Variants in STX8 observed in about 807,000 individuals in gnomAD.
STX8 encodes the protein syntaxin 8.
In STX8, 23 loss-of-function variants were observed where a neutral mutation model predicts 37.5. The observed-to-expected ratio is 0.61, with a 90% CI of 0.44 to 0.87. The LOEUF is 0.87. STX8 is among the 40% of genes least tolerant of loss of function. STX8 has a pLI of 0.00. For missense variants in STX8, 313 were observed against 284.7 expected (o/e 1.10, Z -0.71); for synonymous variants, 115 against 99.1 (o/e 1.16, Z -0.95).
At chr17:9,567,180 T>C (rs925885534) in intron 2 of STX8, among the ~76,000 whole-genome samples, 9 of 151,956 alleles carry the variant, frequency 5.9e-5, no homozygotes, top group Non-Finnish European at 1.2e-4. Flanking sequence ...AGGAAGAGGA[T>C]TAGGAAAAAT....
chr17:9,486,352 G>C (rs1906596739), intron 6 of STX8, among the ~76,000 whole-genome samples: 1 of 152,168 alleles, frequency 6.6e-6, no homozygotes, highest in Non-Finnish European at 1.5e-5. Flanking sequence ...AAAAGGATTG[G>C]TCAATTTGGG....
chr17:9,497,532 T>C (rs1486660822), intron 5 of STX8, among the ~76,000 whole-genome samples: 1 of 152,156 alleles, frequency 6.6e-6, no homozygotes, highest in Non-Finnish European at 1.5e-5. Context: ...TGTGAACAGA[T>C]TGGCTATGGG....
intron 4 of STX8, among the ~76,000 whole-genome samples, chr17:9,538,747 T>C (rs566410072): frequency 1.3e-5 from 2 of 152,328 alleles, no homozygotes; most frequent in African/African-American, 4.8e-5. Context: ...CCTATAATCC[T>C]CTACAGAGTT....
At chr17:9,288,418 T>C (rs1908173742) in intron 7 of STX8, among the ~76,000 whole-genome samples, 1 of 151,800 alleles carries the variant, frequency 6.6e-6, no homozygotes, top group African/African-American at 2.4e-5. Context: ...TCCCAGCACT[T>C]TGGGAGGCCG....
chr17:9,430,649 C>CTTTTTT (rs34803730), intron 6 of STX8, among the ~76,000 whole-genome samples: 1 of 120,902 alleles, frequency 8.3e-6, no homozygotes, highest in African/African-American at 3.0e-5. Context: ...GTGGTTTTGG[C>CTTTTTT]TTTTTTTTTT....
chr17:9,274,682 A>AATAATAATAATAATG (rs1325478226), intron 7 of STX8, among the ~76,000 whole-genome samples: 1 of 118,442 alleles, frequency 8.4e-6, no homozygotes, highest in Non-Finnish European at 1.8e-5. Context: ...TCTCAAAAAT[A>AATAATAATAATAATG]ATAATAATAA....
At chr17:9,408,321 A>G (rs1448902766) in intron 6 of STX8, among the ~76,000 whole-genome samples, 1 of 152,176 alleles carries the variant, frequency 6.6e-6, no homozygotes, top group Non-Finnish European at 1.5e-5. Context: ...GGATGTCTCA[A>G]TCTTTATCCA....
intron 6 of STX8, among the ~76,000 whole-genome samples, chr17:9,480,232 G>A (rs150260771): frequency 1.3e-5 from 2 of 152,314 alleles, no homozygotes; most frequent in African/African-American, 4.8e-5. Flanking sequence ...TGTATATGTG[G>A]ATTCTGGCAC....
At chr17:9,504,560 G>A (rs182012431) in intron 5 of STX8, among the ~76,000 whole-genome samples, 24 of 152,162 alleles carry the variant, frequency 1.6e-4, no homozygotes, top group Admixed American at 1.1e-3. Context: ...ATGAGCCACC[G>A]AGATGAGTGA....
intron 6 of STX8, among the ~76,000 whole-genome samples, chr17:9,448,370 G>A (rs8073044): frequency 0.011 from 1,623 of 152,234 alleles, 28 homozygotes; most frequent in African/African-American, 0.037. Context: ...GCAAGGCAAC[G>A]CCCTGCCTTC....
At chr17:9,318,176 G>T (rs577127746) in intron 7 of STX8, among the ~76,000 whole-genome samples, 119 of 152,262 alleles carry the variant, frequency 7.8e-4, no homozygotes, top group Non-Finnish European at 1.5e-3. Context: ...CAACGTGCAG[G>T]TATGTTACAT....
chr17:9,429,574 G>A (rs1427116804), intron 6 of STX8, among the ~76,000 whole-genome samples: 2 of 137,856 alleles, frequency 1.5e-5, no homozygotes, highest in African/African-American at 2.7e-5. Context: ...GTGGTGGCGG[G>A]CACCTGTAGT....
chr17:9,333,022 A>C (rs747478734), intron 7 of STX8, among the ~76,000 whole-genome samples: 5 of 152,242 alleles, frequency 3.3e-5, no homozygotes, highest in Non-Finnish European at 7.3e-5. Flanking sequence ...ACCGAGAATG[A>C]AGATATGCGT....
At chr17:9,560,732 G>A (rs1907199561) in intron 2 of STX8, among the ~76,000 whole-genome samples, 1 of 141,146 alleles carries the variant, frequency 7.1e-6, no homozygotes, top group African/African-American at 2.5e-5. Context: ...GATAATTAAG[G>A]CACAGCACAG....
intron 6 of STX8, among the ~76,000 whole-genome samples, chr17:9,421,065 A>G (rs1458988512): frequency 6.6e-6 from 1 of 151,988 alleles, no homozygotes; most frequent in Non-Finnish European, 1.5e-5. Flanking sequence ...TCTCAATCCT[A>G]TACCTATCCC....
intron 6 of STX8, among the ~76,000 whole-genome samples, chr17:9,398,698 C>T (rs546864467): frequency 2.2e-4 from 34 of 152,188 alleles, no homozygotes; most frequent in African/African-American, 7.7e-4. Context: ...CTCTGTAAAT[C>T]TAAAACTGTT....
intron 6 of STX8, among the ~76,000 whole-genome samples, chr17:9,447,543 C>T (rs1254145057): frequency 6.6e-5 from 10 of 152,132 alleles, no homozygotes; most frequent in Admixed American, 5.2e-4. Context: ...CTGCTTCAGC[C>T]GCCCCAGTAG....
chr17:9,489,112 A>G (rs1346486000), intron 6 of STX8, among the ~76,000 whole-genome samples: 1 of 152,026 alleles, frequency 6.6e-6, no homozygotes, highest in African/African-American at 2.4e-5. Flanking sequence ...CCTGACCTCA[A>G]ATGATCCATC....
intron 4 of STX8, among the ~76,000 whole-genome samples, chr17:9,522,882 G>T (rs542629025): frequency 6.6e-6 from 1 of 152,158 alleles, no homozygotes; most frequent in South Asian, 2.1e-4. Flanking sequence ...TACAGCAAAT[G>T]ATAATTTACA....
Sources: allele counts gnomAD v4.1 joint callset (sites outside exome capture counted in the v4.1 genomes callset), GRCh38; gene constraint gnomAD v4.1.1; transcripts MANE v1.5; gene names NCBI Gene and HGNC (gene_info 2026-07-23, HGNC 2026-07-21).